Variants in GABRB2 observed in about 807,000 individuals in gnomAD.
GABRB2 encodes gamma-aminobutyric acid type A receptor subunit beta2, also known as gamma-aminobutyric acid receptor subunit beta-2.
GABRB2 carries 16 observed loss-of-function variants against 54.7 expected under a neutral mutation model. The ratio of observed to expected loss-of-function variants is 0.29; its 90% confidence interval spans 0.20 to 0.44. The LOEUF is 0.44. Among genes scored for constraint, GABRB2 ranks in the 20% least tolerant of loss-of-function variants. The probability of loss-of-function intolerance (pLI) is 1.00; values close to 1 mark genes in which losing one functional copy is unlikely to be tolerated. For missense variants in GABRB2, 355 were observed against 644.0 expected (o/e 0.55, Z 4.86); for synonymous variants, 244 against 233.8 (o/e 1.04, Z -0.40).
chr5:161,336,714 T>A lies in GABRB2; in HGVS notation c.597A>T (p.Val199=). ...GAAGTTCAATTTTCGTTACTCCTGT[T>A]ACTGCATTATCATCGCCACGCCAGT... The part of the protein sequence containing the change: ...EFYWRGDDNA[V]TGVTKIELPQ... The change falls in exon 6 of 10, where the codon GTA becomes GTT. Residue 199 remains valine, a synonymous_variant. Coordinates refer to ENST00000393959, the MANE Select transcript of GABRB2 (RefSeq NM_001371727.1). 6.2e-7 allele frequency: 1 copy of A among 1,613,282 alleles called. No homozygotes were observed. The highest frequency in any genetic ancestry group is 1.3e-5 in the African/African-American group (1 of 74,884).
At chr5:161,386,018 G>A (rs1030114762) in intron 5 of GABRB2, among the ~76,000 whole-genome samples, 2 of 142,962 alleles carry the variant, frequency 1.4e-5, no homozygotes. Flanking sequence ...TTCCCAATTC[G>A]AATTATTTCT....
chr5:161,497,862 C>T lies in GABRB2; in HGVS notation c.238-38018G>A, dbSNP rs189616567. On this transcript the variant is annotated intron_variant, in intron 3 of 9. Coordinates refer to ENST00000393959, the MANE Select transcript of GABRB2 (RefSeq NM_001371727.1). ...AAACCCAGCTGGACTAAAGAAGCCT[C>T]TGGTGACTCTGACTTTGCTCTTGGA... Among the ~76,000 whole-genome samples the T allele has an allele frequency of 2.8e-3, 429 of 152,204 alleles. 2 individuals carry two copies. The highest frequency in any genetic ancestry group is 4.5e-3 in the Non-Finnish European group (308 of 68,016).
intron 4 of GABRB2, among the ~76,000 whole-genome samples, chr5:161,449,874 T>G (rs1380177874): frequency 6.6e-6 from 1 of 152,148 alleles, no homozygotes; most frequent in Non-Finnish European, 1.5e-5. Context: ...AGACCTGGCT[T>G]CTTTCCACGT....
chr5:161,497,531 T>TGC (rs1491555342), intron 3 of GABRB2, among the ~76,000 whole-genome samples: 4 of 352 alleles, frequency 0.011, no homozygotes, highest in Admixed American at 0.033. Flanking sequence ...TGTGTGTATA[T>TGC]GTGTGTGTGT....
chr5:161,492,051 T>C (rs1411493306), intron 3 of GABRB2, among the ~76,000 whole-genome samples: 1 of 151,634 alleles, frequency 6.6e-6, no homozygotes, highest in Admixed American at 6.6e-5. Context: ...AAAAAAAGTA[T>C]AGTAGGTTTG....
At chr5:161,345,823 A>G (rs1754306159) in intron 5 of GABRB2, among the ~76,000 whole-genome samples, 2 of 152,092 alleles carry the variant, frequency 1.3e-5, no homozygotes, top group Admixed American at 1.3e-4. Flanking sequence ...GTGAAGAACC[A>G]TGTCCGGTCC....
chr5:161,402,033 A>G (rs184576385), intron 5 of GABRB2, among the ~76,000 whole-genome samples: 152 of 151,920 alleles, frequency 1.0e-3, no homozygotes, highest in Middle Eastern at 6.9e-3. Context: ...ATTTAATTTT[A>G]CATACCATAT....
intron 3 of GABRB2, among the ~76,000 whole-genome samples, chr5:161,465,694 T>A (rs906010255): frequency 6.6e-6 from 1 of 152,098 alleles, no homozygotes; most frequent in African/African-American, 2.4e-5. Context: ...AACATTTTTT[T>A]ATTTGGACAT....
At chr5:161,499,566 T>A (rs1324320198) in intron 3 of GABRB2, among the ~76,000 whole-genome samples, 1 of 152,180 alleles carries the variant, frequency 6.6e-6, no homozygotes, top group East Asian at 1.9e-4. Flanking sequence ...CCTCTGGATA[T>A]CACCAATACC....
chr5:161,478,517 A>T (rs1406842028), intron 3 of GABRB2, among the ~76,000 whole-genome samples: 2 of 152,088 alleles, frequency 1.3e-5, no homozygotes, highest in Non-Finnish European at 2.9e-5. Flanking sequence ...AAGCACATCA[A>T]AACAAAATTA....
intron 9 of GABRB2, among the ~76,000 whole-genome samples, chr5:161,311,720 T>C (rs1757874101): frequency 6.6e-6 from 1 of 152,202 alleles, no homozygotes; most frequent in East Asian, 1.9e-4. Context: ...GATCAGCTGC[T>C]TTGGCATCTC....
At chr5:161,380,192 C>T (rs927149178) in intron 5 of GABRB2, among the ~76,000 whole-genome samples, 6 of 152,098 alleles carry the variant, frequency 3.9e-5, no homozygotes, top group African/African-American at 1.4e-4. Context: ...CATTAATAGA[C>T]AAATAGATTT....
chr5:161,394,030 C>A (rs2113050569), intron 5 of GABRB2, among the ~76,000 whole-genome samples: 1 of 151,992 alleles, frequency 6.6e-6, no homozygotes, highest in African/African-American at 2.4e-5. Context: ...AAACAAACTA[C>A]AAAAGTATTG....
intron 3 of GABRB2, among the ~76,000 whole-genome samples, chr5:161,496,210 C>A (rs1048081783): frequency 1.3e-5 from 2 of 152,118 alleles, no homozygotes; most frequent in African/African-American, 4.8e-5. Context: ...GCAACCTCCC[C>A]AGCTCTTTTT....
intron 4 of GABRB2, among the ~76,000 whole-genome samples, chr5:161,415,914 C>T (rs1408984985): frequency 1.1e-5 from 1 of 93,510 alleles, no homozygotes; most frequent in East Asian, 3.6e-4. Flanking sequence ...CACCCGGCCC[C>T]AAGTTTGTTT....
intron 3 of GABRB2, among the ~76,000 whole-genome samples, chr5:161,468,813 A>C (rs1234096863): frequency 1.3e-5 from 2 of 151,950 alleles, no homozygotes; most frequent in Non-Finnish European, 2.9e-5. Flanking sequence ...TAAGACCCCC[A>C]AAAAACTTAC....
At chr5:161,344,942 G>A (rs907759926) in intron 5 of GABRB2, among the ~76,000 whole-genome samples, 4 of 152,040 alleles carry the variant, frequency 2.6e-5, no homozygotes, top group Non-Finnish European at 5.9e-5. Flanking sequence ...ACTAACACAG[G>A]AACAGAAAAC....
At chr5:161,459,901 T>A in intron 3 of GABRB2, 57 bp from the exon 4 acceptor site, 2 of 913,518 alleles carry the variant, frequency 2.2e-6, no homozygotes, top group Non-Finnish European at 3.5e-6. Context: ...ATCTGGGGGA[T>A]AAGCAAACAT....
chr5:161,356,084 CAG>C (rs1189995468), intron 5 of GABRB2, among the ~76,000 whole-genome samples: 1 of 152,028 alleles, frequency 6.6e-6, no homozygotes, highest in African/African-American at 2.4e-5. Flanking sequence ...AAATTGAAAA[CAG>C]AATTTAGAGC....
Sources: allele counts gnomAD v4.1 joint callset (sites outside exome capture counted in the v4.1 genomes callset), GRCh38; gene constraint gnomAD v4.1.1; transcripts MANE v1.5; gene names NCBI Gene and HGNC (gene_info 2026-07-23, HGNC 2026-07-21).